Variants in ATP4B observed in about 807,000 individuals in gnomAD.
ATP4B encodes ATPase H+/K+ transporting subunit beta.
In ATP4B, 27 loss-of-function variants were observed where a neutral mutation model predicts 35.3. That is an observed-to-expected ratio of 0.76 (90% CI 0.56 to 1.05). The LOEUF (loss-of-function observed/expected upper bound fraction) is 1.05, where lower values mean the gene tolerates loss of function less well. Ranked by LOEUF, ATP4B falls within the 50% of genes least tolerant of loss-of-function variation. The pLI is 0.00. For missense variants in ATP4B, 375 were observed against 384.8 expected (o/e 0.97, Z 0.21); for synonymous variants, 162 against 156.0 (o/e 1.04, Z -0.29).
chr13:113,655,684 C>T (rs1216512128), intron 1 of ATP4B, among the ~76,000 whole-genome samples: 1 of 148,312 alleles, frequency 6.7e-6, no homozygotes, highest in Non-Finnish European at 1.5e-5. Flanking sequence ...AGGGAGACAC[C>T]GGCAGGAAGA....
chr13:113,652,708 C>T (rs765551151), intron 4 of ATP4B, 165 bp downstream of exon 4: 65 of 763,744 alleles, frequency 8.5e-5, no homozygotes, highest in South Asian at 2.5e-4. Flanking sequence ...AAGAACCACA[C>T]GGGACAGGTG....
At position 113,649,378 on chromosome 13, in the gene ATP4B, T is replaced by A. The variant is rs138269602; in HGVS notation, c.872A>T (p.Lys291Met). The A allele has an allele frequency of 4.9e-4, 786 of 1,593,688 alleles. 1 individual carries two copies. The highest frequency in any genetic ancestry group is 4.0e-3 in the Middle Eastern group (19 of 4,696). Residue 291 changes from lysine to methionine, a missense_variant, in exon 7 of 7, where the codon AAG becomes ATG. By Grantham distance (95) the Lys-to-Met change is moderately conservative. Transcript: ENST00000335288. The surrounding 1 kb of genome is among the most constrained non-coding windows in gnomAD (Gnocchi z 4.7). ...AGGACCCCTGCGCAAACCGTTTCAC[T>A]TCTCAATCTTGAGTTTGAACTCCAC... is the stretch of plus-strand genomic sequence containing the variant. ...GKVEFKLKIE[K>M]
At chr13:113,657,169 G>A (rs2049761459) in intron 1 of ATP4B, among the ~76,000 whole-genome samples, 1 of 152,148 alleles carries the variant, frequency 6.6e-6, no homozygotes, top group African/African-American at 2.4e-5. Context: ...CACAGGTGGG[G>A]CGGGCCTGGG....
chr13:113,652,687 A>C, intron 4 of ATP4B, 186 bp downstream of exon 4: 1 of 718,978 alleles, frequency 1.4e-6, no homozygotes, highest in Non-Finnish European at 2.5e-6. Context: ...AGTGGTTTCA[A>C]ATTTGTATCT....
chr13:113,652,326 C>T (rs927083137), intron 4 of ATP4B, among the ~76,000 whole-genome samples: 1 of 152,242 alleles, frequency 6.6e-6, no homozygotes, highest in Non-Finnish European at 1.5e-5. Context: ...CACAAGCCTG[C>T]AGCCTCTTAA....
chr13:113,654,722 G>C, intron 2 of ATP4B, 92 bp downstream of exon 2: 1 of 1,493,964 alleles, frequency 6.7e-7, no homozygotes, highest in South Asian at 1.3e-5. Context: ...TTCATTTCTG[G>C]GGAGGGCACG....
rs1440080995 is a variant in ATP4B, at chr13:113,650,376, G to A, written c.714+30C>T. 1.3e-6 allele frequency: 2 copies of A among 1,591,268 alleles called. No homozygotes were observed. Among genetic ancestry groups the A allele is most frequent in the Non-Finnish European group, 1.7e-6 (2 of 1,159,564 alleles). On this transcript the variant is annotated intron_variant, in intron 6 of 6. Coordinates refer to ENST00000335288, the MANE Select transcript of ATP4B (RefSeq NM_000705.4). This position sits in a 1 kb window ranked among gnomAD's most constrained non-coding sequence, Gnocchi z 5.0. Reference sequence around the variant, plus strand: ...AGTGTGAGAGGACTCAGCAGCTGTGGTGAGGGAAGCGTGGAAGGAAGGAAC... The same window carrying A: ...AGTGTGAGAGGACTCAGCAGCTGTGATGAGGGAAGCGTGGAAGGAAGGAAC...
At chr13:113,652,599 G>A in intron 4 of ATP4B, 2 of 509,738 alleles carry the variant, frequency 3.9e-6, no homozygotes, top group Non-Finnish European at 7.2e-6. Context: ...GCCCTGAAGG[G>A]GGCCCTGGCC....
chr13:113,656,268 G>A (rs1052914034), intron 1 of ATP4B, among the ~76,000 whole-genome samples: 2 of 152,162 alleles, frequency 1.3e-5, no homozygotes, highest in Non-Finnish European at 2.9e-5. Flanking sequence ...CCTGTCCCCC[G>A]GGGACCTACG....
chr13:113,650,284 G>C lies in ATP4B; in HGVS notation c.714+122C>G, dbSNP rs541328299. 2.0e-5 allele frequency: 18 copies of C among 917,962 alleles called. No individual in the cohort carries two copies. In the South Asian group the frequency reaches 2.4e-4, roughly 12 times the overall value. 56.9% of individuals were successfully genotyped at this position (917,962 alleles called of 1,614,324 possible). Reference sequence around the variant, plus strand: ...GGAAACACGCAGAACGTTCCAGTCAGGACCGGCTAAGTCACACCTTTGTTT... The same window carrying C: ...GGAAACACGCAGAACGTTCCAGTCACGACCGGCTAAGTCACACCTTTGTTT... On this transcript the variant is annotated intron_variant, in intron 6 of 6. Transcript: ENST00000335288. This position sits in a 1 kb window ranked among gnomAD's most constrained non-coding sequence, Gnocchi z 5.0.
At chr13:113,654,315 T>C (rs2049736518) in intron 2 of ATP4B, among the ~76,000 whole-genome samples, 1 of 152,222 alleles carries the variant, frequency 6.6e-6, no homozygotes, top group Non-Finnish European at 1.5e-5. Context: ...GTCTGTCCTG[T>C]GGCCTCTGAC....
In ATP4B at chr13:113,658,081, A is replaced by G. The variant is rs1374745241; in HGVS notation, c.64T>C (p.Trp22Arg). 1 of 1,611,696 alleles carries G rather than the reference A, an allele frequency of 6.2e-7. No homozygotes were observed. The highest frequency in any genetic ancestry group is 2.2e-5 in the East Asian group (1 of 44,818). ...AGCATCTGCCCCGTGTCCGGGTTCC[A>G]GCAGTAACGCTGGAACTCCTCCATG... The part of the protein sequence containing the change: ...QRMEEFQRYC[W>R]NPDTGQMLGR... The change falls in exon 1 of 7, where the codon TGG becomes CGG. Residue 22 changes from tryptophan (W) to arginine (R), a missense_variant. Coordinates refer to ENST00000335288, the MANE Select transcript of ATP4B (RefSeq NM_000705.4).
At chr13:113,655,814 G>T (rs1231942474) in intron 1 of ATP4B, among the ~76,000 whole-genome samples, 1 of 152,216 alleles carries the variant, frequency 6.6e-6, no homozygotes, top group East Asian at 1.9e-4. Context: ...GTTCTCCAGT[G>T]ACCCAAAACA....
In ATP4B at chr13:113,649,779, A is replaced by G. The variant is rs1047187775; in HGVS notation, c.715-244T>C. ...GTAAATTCAGCTTCAAACTCTTACG[A>G]TGATTAACGTAAAAATGAAACAGGA... On this transcript the variant is annotated intron_variant, in intron 6 of 6. Transcript: ENST00000335288. This position sits in a 1 kb window ranked among gnomAD's most constrained non-coding sequence, Gnocchi z 4.7. Among the ~76,000 whole-genome samples, 2 of 152,214 alleles carry G rather than the reference A, an allele frequency of 1.3e-5. No individual in the cohort carries two copies. The highest frequency in any genetic ancestry group is 4.8e-5 in the African/African-American group (2 of 41,446).
At position 113,653,449 on chromosome 13, in the gene ATP4B, C is replaced by T; in HGVS notation, c.242-15G>A. ...TAAGGTTACCCCTGGAGAGAGAGAC[C>T]TTTGTGCTTAGCGTCTCCAAATGCT... On this transcript the variant is annotated splice_polypyrimidine_tract_variant and intron_variant, in intron 2 of 6. Coordinates refer to ENST00000335288, the MANE Select transcript of ATP4B (RefSeq NM_000705.4). 4.4e-6 allele frequency: 7 copies of T among 1,606,228 alleles called. No individual in the cohort carries two copies. The South Asian group carries it at 4.4e-5, about 10-fold the overall frequency.
chr13:113,653,253 C>T, intron 3 of ATP4B, 68 bp downstream of exon 3: 1 of 1,496,162 alleles, frequency 6.7e-7, no homozygotes, highest in South Asian at 1.2e-5. Flanking sequence ...CTTCACACCT[C>T]ACCCACCCGC....
At chr13:113,656,008 C>T (rs1301950189) in intron 1 of ATP4B, among the ~76,000 whole-genome samples, 1 of 152,244 alleles carries the variant, frequency 6.6e-6, no homozygotes, top group African/African-American at 2.4e-5. Flanking sequence ...GTCTTGCTCA[C>T]CTGGCATCCA....
chr13:113,652,362 C>T (rs376082023), intron 4 of ATP4B, among the ~76,000 whole-genome samples: 2 of 152,346 alleles, frequency 1.3e-5, no homozygotes, highest in South Asian at 2.1e-4. Context: ...CACAGCTGCC[C>T]GGAGGCCCAG....
chr13:113,652,788 C>T (rs1017631562), intron 4 of ATP4B, 85 bp downstream of exon 4: 9 of 1,491,358 alleles, frequency 6.0e-6, no homozygotes, highest in Non-Finnish European at 8.3e-6. Flanking sequence ...CCAGACAGGA[C>T]ACCTGTGCTC....
Sources: allele counts gnomAD v4.1 joint callset (sites outside exome capture counted in the v4.1 genomes callset), GRCh38; gene constraint gnomAD v4.1.1; non-coding constraint Gnocchi (gnomAD v3.1); transcripts MANE v1.5; gene names NCBI Gene and HGNC (gene_info 2026-07-23, HGNC 2026-07-21).